Variants in ST7 observed in about 807,000 individuals in gnomAD.
ST7 encodes suppression of tumorigenicity 7.
In ST7, 28 loss-of-function variants were observed where a neutral mutation model predicts 78.7. The ratio of observed to expected loss-of-function variants is 0.36; its 90% confidence interval spans 0.26 to 0.49. The LOEUF is 0.49. Among genes scored for constraint, ST7 ranks in the 20% least tolerant of loss-of-function variants. The pLI is 0.99. For synonymous variants in ST7, 247 were observed against 249.6 expected, an observed-to-expected ratio of 0.99 and a Z score of 0.10; for missense variants, 418 against 696.0, an observed-to-expected ratio of 0.60 and a Z score of 4.49.
intron 2 of ST7, among the ~76,000 whole-genome samples, chr7:117,119,029 A>G (rs1044533799): frequency 6.6e-6 from 1 of 152,174 alleles, no homozygotes; most frequent in African/African-American, 2.4e-5. Context: ...GGGAAACGGG[A>G]TACAGCTCAT....
intron 12 of ST7, among the ~76,000 whole-genome samples, chr7:117,207,961 G>A (rs1458081805): frequency 3.3e-5 from 5 of 151,434 alleles, no homozygotes; most frequent in Admixed American, 1.3e-4. Flanking sequence ...TCGTAGCCTC[G>A]GGGTCCTTTA....
rs1400307386 is a variant in ST7 at position 117,230,102 on chromosome 7, A to C, written c.*245A>C. ...AAATAAAACTTTTGTGTATTACAGC[A>C]ATCATTTGTATCCTCCTGTGTCTTC... On this transcript the variant is annotated 3_prime_UTR_variant, in exon 16 of 16. Coordinates refer to ENST00000323984, the MANE Select transcript of ST7 (RefSeq NM_001369598.1). The C allele has an allele frequency of 1.5e-6, 1 of 663,846 alleles. No homozygotes were observed. The highest frequency in any genetic ancestry group is 2.1e-5 in the Admixed American group (1 of 47,318). 41.1% of individuals were successfully genotyped at this position (663,846 alleles called of 1,614,324 possible). A position where few individuals can be genotyped will look rare whatever the true frequency, so the allele number is the denominator to read the frequency against.
intron 2 of ST7, among the ~76,000 whole-genome samples, chr7:117,111,506 A>G (rs1802425565): frequency 6.6e-6 from 1 of 152,232 alleles, no homozygotes; most frequent in Non-Finnish European, 1.5e-5. Context: ...CAGATATACA[A>G]TGTACTTAAA....
intron 8 of ST7, 188 bp downstream of exon 8, chr7:117,136,423 T>C (rs527314790): frequency 4.6e-6 from 3 of 659,130 alleles, no homozygotes; most frequent in South Asian, 2.0e-5. Context: ...TACAGCTTCA[T>C]TGCTGTTTAT....
chr7:117,146,848 G>A (rs572580881), intron 9 of ST7, among the ~76,000 whole-genome samples: 1 of 152,284 alleles, frequency 6.6e-6, no homozygotes, highest in South Asian at 2.1e-4. Flanking sequence ...ACATTTGAGA[G>A]AGCACCTATT....
At chr7:116,960,221 G>C (rs781344520) in intron 1 of ST7, among the ~76,000 whole-genome samples, 1 of 151,288 alleles carries the variant, frequency 6.6e-6, no homozygotes, top group African/African-American at 2.4e-5. Context: ...ACAGAGTCTC[G>C]CTCTGTTGCC....
chr7:117,090,246 C>A lies in ST7; in HGVS notation c.152-9516C>A, dbSNP rs1800501365. On this transcript the variant is annotated intron_variant, in intron 1 of 15. Coordinates refer to ENST00000323984, the MANE Select transcript of ST7 (RefSeq NM_001369598.1). ...TAGTCTAAGGATAGAAACACACACA[C>A]ACACACAGACACACACACACACACA... is the stretch of plus-strand genomic sequence containing the variant. Among the ~76,000 whole-genome samples the A allele has an allele frequency of 1.5e-5, 2 of 131,590 alleles. 1 individual carries two copies. The highest frequency in any genetic ancestry group is 5.3e-4 in the South Asian group (2 of 3,808). 86.3% of individuals were successfully genotyped at this position (131,590 alleles called of 152,430 possible).
At chr7:117,207,433 C>T (rs767564424) in intron 12 of ST7, among the ~76,000 whole-genome samples, 15 of 152,122 alleles carry the variant, frequency 9.9e-5, no homozygotes, top group Non-Finnish European at 1.8e-4. Context: ...TGAGCCACCG[C>T]GCCCAGCCCT....
At chr7:116,975,645 T>A (rs1184134785) in intron 1 of ST7, among the ~76,000 whole-genome samples, 1 of 151,800 alleles carries the variant, frequency 6.6e-6, no homozygotes, top group Non-Finnish European at 1.5e-5. Context: ...TGACCTCAAG[T>A]GATCTGCCTG....
In ST7 at chr7:117,152,135, A is replaced by G. The variant is rs534175142; in HGVS notation, c.963+13603A>G. Among the ~76,000 whole-genome samples, 8 of 139,388 alleles carry G rather than the reference A, an allele frequency of 5.7e-5. No individual in the cohort carries two copies. The East Asian group carries it at 1.6e-3, about 29-fold the overall frequency. 91.4% of individuals were successfully genotyped at this position (139,388 alleles called of 152,430 possible). ...CACCATCTCAAAAAAAAATAATAAT[A>G]ATTTATATATATATAAAATATATGT... On this transcript the variant is annotated intron_variant, in intron 9 of 15. Coordinates refer to ENST00000323984, the MANE Select transcript of ST7 (RefSeq NM_001369598.1).
At position 117,154,546 on chromosome 7, in the gene ST7, C is replaced by G. The variant is rs1160590455; in HGVS notation, c.963+16014C>G. 2.6e-5 allele frequency among the ~76,000 whole-genome samples: 4 copies of G among 152,056 alleles called. No individual in the cohort carries two copies. The East Asian group carries it at 7.7e-4, about 29-fold the overall frequency. On this transcript the variant is annotated intron_variant, in intron 9 of 15. Coordinates refer to ENST00000323984, the MANE Select transcript of ST7 (RefSeq NM_001369598.1). Reference sequence around the variant, plus strand: ...GTTCCTGCCTGCTGACTTTTGTTTACTTGATTAGATAGAAGACAGGGTCAT... The same window carrying G: ...GTTCCTGCCTGCTGACTTTTGTTTAGTTGATTAGATAGAAGACAGGGTCAT...
At chr7:116,992,120 G>A (rs1794461011) in intron 1 of ST7, among the ~76,000 whole-genome samples, 1 of 152,200 alleles carries the variant, frequency 6.6e-6, no homozygotes, top group Non-Finnish European at 1.5e-5. Context: ...GTCTGTGGCT[G>A]TTCCAGGTTC....
Position 117,219,926 on chromosome 7 carries a change from G to A in ST7, c.1498+750G>A, listed in dbSNP as rs1280386972. 6.6e-6 allele frequency among the ~76,000 whole-genome samples: 1 copy of A among 152,184 alleles called. No homozygotes were observed. The highest frequency in any genetic ancestry group is 1.5e-5 in the Non-Finnish European group (1 of 68,022). On this transcript the variant is annotated intron_variant, in intron 14 of 15. Transcript: ENST00000323984. This position sits in a 1 kb window ranked among gnomAD's most constrained non-coding sequence, Gnocchi z 5.1. The stretch of plus-strand genomic sequence containing the variant: ...AATGGTTATTATCAAATCATACTAT[G>A]TACAAGGATCATGTCAGGCTCTTCA...
intron 1 of ST7, among the ~76,000 whole-genome samples, chr7:117,089,842 T>C (rs1166208616): frequency 6.6e-6 from 1 of 152,156 alleles, no homozygotes; most frequent in Non-Finnish European, 1.5e-5. Flanking sequence ...AGTGCTGGGA[T>C]TACAGGCATG....
intron 3 of ST7, among the ~76,000 whole-genome samples, chr7:117,125,765 A>G (rs781712236): frequency 6.6e-6 from 1 of 152,078 alleles, no homozygotes; most frequent in Non-Finnish European, 1.5e-5. Context: ...TAAAGTGTTT[A>G]AAAGTGTTAA....
At chr7:117,212,505 A>G (rs1164355171) in intron 13 of ST7, among the ~76,000 whole-genome samples, 1 of 152,176 alleles carries the variant, frequency 6.6e-6, no homozygotes, top group South Asian at 2.1e-4. Flanking sequence ...TGATCTCTCT[A>G]TAGTGTTTAG....
intron 13 of ST7, among the ~76,000 whole-genome samples, chr7:117,216,082 T>G (rs1002614792): frequency 4.6e-5 from 7 of 151,974 alleles, no homozygotes; most frequent in Non-Finnish European, 7.4e-5. Flanking sequence ...TGTTTATTTT[T>G]CCCCCCAGTA....
chr7:117,145,915 T>C (rs1419926510), intron 9 of ST7, among the ~76,000 whole-genome samples: 1 of 152,228 alleles, frequency 6.6e-6, no homozygotes, highest in Non-Finnish European at 1.5e-5. Context: ...TGATAGCTGC[T>C]AACTAACCCT....
intron 11 of ST7, 135 bp downstream of exon 11, chr7:117,189,528 G>C (rs907466333): frequency 5.5e-6 from 3 of 549,896 alleles, no homozygotes; most frequent in Admixed American, 7.4e-5. Context: ...AAAACCTGCT[G>C]TTCTTTTCTT....
Sources: allele counts gnomAD v4.1 joint callset (sites outside exome capture counted in the v4.1 genomes callset), GRCh38; gene constraint gnomAD v4.1.1; non-coding constraint Gnocchi (gnomAD v3.1); transcripts MANE v1.5; gene names NCBI Gene and HGNC (gene_info 2026-07-23, HGNC 2026-07-21).